Variants in HPCAL1 observed in about 807,000 individuals in gnomAD.
HPCAL1 encodes the protein hippocalcin-like protein 1.
HPCAL1 carries 8 observed loss-of-function variants against 17.1 expected under a neutral mutation model. The observed-to-expected ratio is 0.47, with a 90% CI of 0.27 to 0.84. The LOEUF (loss-of-function observed/expected upper bound fraction) is 0.84, where lower values mean the gene tolerates loss of function less well. Among genes scored for constraint, HPCAL1 ranks in the 40% least tolerant of loss-of-function variants. The pLI is 0.13. For synonymous variants in HPCAL1, 112 were observed against 111.4 expected, an observed-to-expected ratio of 1.01 and a Z score of -0.03; for missense variants, 165 against 271.1, an observed-to-expected ratio of 0.61 and a Z score of 2.75.
rs982634833 is a variant in HPCAL1, at chr2:10,330,787, G to A, written c.-111+27610G>A. ...TTTGTGGGGGACACACTCAGTCCAC[G>A]TTAACTCACTTCCTGCCCACGGCAG... On this transcript the variant is annotated intron_variant, in intron 1 of 4. Coordinates refer to ENST00000307845, the MANE Select transcript of HPCAL1 (RefSeq NM_002149.4). The surrounding 1 kb of genome is among the most constrained non-coding windows in gnomAD (Gnocchi z 4.2). Among the ~76,000 whole-genome samples the A allele has an allele frequency of 1.3e-5, 2 of 152,220 alleles. No individual in the cohort carries two copies. The highest frequency in any genetic ancestry group is 2.1e-4 in the South Asian group (1 of 4,834).
intron 1 of HPCAL1, among the ~76,000 whole-genome samples, chr2:10,393,208 C>T (rs1668816109): frequency 6.6e-6 from 1 of 152,250 alleles, no homozygotes; most frequent in Admixed American, 6.5e-5. Flanking sequence ...CTACTTGATT[C>T]TGTCTCGAGC....
chr2:10,352,839 A>G (rs1665916246), intron 1 of HPCAL1, among the ~76,000 whole-genome samples: 2 of 152,240 alleles, frequency 1.3e-5, no homozygotes, highest in Non-Finnish European at 2.9e-5. Context: ...CTCTGTAGCC[A>G]AATGAAAAGA....
chr2:10,335,182 T>G (rs4669572), intron 1 of HPCAL1, among the ~76,000 whole-genome samples: 1 of 152,208 alleles, frequency 6.6e-6, no homozygotes, highest in South Asian at 2.1e-4. Context: ...TGGACTTAAC[T>G]GACTTGATTC....
rs1403362145 is a variant in HPCAL1, at chr2:10,362,822, G to A, written c.-110-34013G>A. On this transcript the variant is annotated intron_variant, in intron 1 of 4. Coordinates refer to ENST00000307845, the MANE Select transcript of HPCAL1 (RefSeq NM_002149.4). The surrounding 1 kb of genome is among the most constrained non-coding windows in gnomAD (Gnocchi z 5.0). ...GAGTCATGAGATTGGGTTGAATGGC[G>A]GCTTTAGCACAGCTGTGGCCTGTGT... 1.3e-5 allele frequency among the ~76,000 whole-genome samples: 2 copies of A among 152,220 alleles called. No homozygotes were observed. The highest frequency in any genetic ancestry group is 2.9e-5 in the Non-Finnish European group (2 of 68,046).
At chr2:10,329,165 A>G (rs1000734812) in intron 1 of HPCAL1, among the ~76,000 whole-genome samples, 1 of 152,056 alleles carries the variant, frequency 6.6e-6, no homozygotes, top group Non-Finnish European at 1.5e-5. Flanking sequence ...TTAGAGACTC[A>G]TTGCTCCAAG....
intron 1 of HPCAL1, among the ~76,000 whole-genome samples, chr2:10,380,060 G>T (rs1667843631): frequency 6.6e-6 from 1 of 150,820 alleles, no homozygotes; most frequent in African/African-American, 2.5e-5. Flanking sequence ...CTTCAGAAAA[G>T]CTCTGCACAG....
intron 1 of HPCAL1, among the ~76,000 whole-genome samples, chr2:10,314,823 T>A (rs75652861): frequency 6.6e-6 from 1 of 152,240 alleles, no homozygotes; most frequent in Admixed American, 6.5e-5. Context: ...TTGTTTCAAA[T>A]TGTTTTTTTT....
intron 1 of HPCAL1, among the ~76,000 whole-genome samples, chr2:10,355,562 A>C (rs911045218): frequency 7.3e-5 from 11 of 151,664 alleles, no homozygotes; most frequent in Non-Finnish European, 1.6e-4. Flanking sequence ...AAAATGTAAA[A>C]AGTTGTTCAG....
rs560198601 is a variant in HPCAL1 at position 10,348,533 on chromosome 2, G to T, written c.-111+45356G>T. ...AATCCCAGTGCTTTGGGAGACCAAG[G>T]TGGGGGGATCGCTTGAGCCCAGGAG... is the stretch of plus-strand genomic sequence containing the variant. On this transcript the variant is annotated intron_variant, in intron 1 of 4. Coordinates refer to ENST00000307845, the MANE Select transcript of HPCAL1 (RefSeq NM_002149.4). Among the ~76,000 whole-genome samples, 4 of 152,168 alleles carry T rather than the reference G, an allele frequency of 2.6e-5. No individual in the cohort carries two copies. The South Asian group carries it at 8.3e-4, about 32-fold the overall frequency.
At chr2:10,366,427 G>T (rs1476208816) in intron 1 of HPCAL1, among the ~76,000 whole-genome samples, 1 of 152,218 alleles carries the variant, frequency 6.6e-6, no homozygotes, top group South Asian at 2.1e-4. Flanking sequence ...GTAGAGACGG[G>T]GTTTCACCAT....
Position 10,341,829 on chromosome 2 carries a change from T to G in HPCAL1, c.-111+38652T>G, listed in dbSNP as rs372208758. ...GAAAAATTCAAATGTTTTGAAAAGA[T>G]CTACAAGTTTGGGGTTGAAGAAGTC... On this transcript the variant is annotated intron_variant, in intron 1 of 4. Transcript: ENST00000307845. 3.7e-4 allele frequency among the ~76,000 whole-genome samples: 56 copies of G among 152,218 alleles called. 1 individual carries two copies. Among genetic ancestry groups the G allele is most frequent in the African/African-American group, 1.3e-3 (55 of 41,542 alleles).
intron 1 of HPCAL1, among the ~76,000 whole-genome samples, chr2:10,308,961 G>GAC (rs1662790780): frequency 6.6e-6 from 1 of 152,156 alleles, no homozygotes; most frequent in African/African-American, 2.4e-5. Flanking sequence ...CCAGCTACTA[G>GAC]GGGGTGCTGA....
At chr2:10,311,884 CCAT>C (rs962105244) in intron 1 of HPCAL1, among the ~76,000 whole-genome samples, 1 of 149,734 alleles carries the variant, frequency 6.7e-6, no homozygotes, top group Non-Finnish European at 1.5e-5. Flanking sequence ...ATCATCATTA[CCAT>C]CATCATTGCT....
Position 10,344,885 on chromosome 2 carries a change from CTA to C in HPCAL1, c.-111+41710_-111+41711del, listed in dbSNP as rs1468240826. Among the ~76,000 whole-genome samples the C allele has an allele frequency of 6.6e-6, 1 of 151,578 alleles. No homozygotes were observed. Among genetic ancestry groups the C allele is most frequent in the Non-Finnish European group, 1.5e-5 (1 of 67,824 alleles). ...CCTTTCAGTCTCTTTCTGCCTCTCT[CTA>C]TGTGTCCGTTTCTCTTTCTCTCTGT... On this transcript the variant is annotated intron_variant, in intron 1 of 4. Coordinates refer to ENST00000307845, the MANE Select transcript of HPCAL1 (RefSeq NM_002149.4). This position sits in a 1 kb window ranked among gnomAD's most constrained non-coding sequence, Gnocchi z 4.9.
At chr2:10,380,693 G>T (rs1166290025) in intron 1 of HPCAL1, among the ~76,000 whole-genome samples, 1 of 151,886 alleles carries the variant, frequency 6.6e-6, no homozygotes, top group Non-Finnish European at 1.5e-5. Flanking sequence ...CACTCTTCAA[G>T]TCTCTGTTTA....
In HPCAL1 at chr2:10,342,906, G is replaced by A. The variant is rs1017551161; in HGVS notation, c.-111+39729G>A. On this transcript the variant is annotated intron_variant, in intron 1 of 4. Transcript: ENST00000307845. This position sits in a 1 kb window ranked among gnomAD's most constrained non-coding sequence, Gnocchi z 4.1. ...GTACCTCTCCCCGCTGCCTTCCCCC[G>A]GCCCCTTTTTGGACAGGATGTTGCT... 6.6e-6 allele frequency among the ~76,000 whole-genome samples: 1 copy of A among 152,154 alleles called. No homozygotes were observed. The highest frequency in any genetic ancestry group is 2.4e-5 in the African/African-American group (1 of 41,432).
Position 10,419,611 on chromosome 2 carries a change from G to T in HPCAL1, c.-24-123G>T. 1 of 866,512 alleles carries T rather than the reference G, an allele frequency of 1.2e-6. No individual in the cohort carries two copies. The highest frequency in any genetic ancestry group is 1.7e-6 in the Non-Finnish European group (1 of 581,578). The allele number at this position is 866,512 out of a possible 1,614,324, so 53.7% of individuals were successfully genotyped here. On this transcript the variant is annotated intron_variant, in intron 2 of 4. Transcript: ENST00000307845. The surrounding 1 kb of genome is among the most constrained non-coding windows in gnomAD (Gnocchi z 5.0). Reference sequence around the variant, plus strand: ...GATAGCGGCATGCCTTCCGATGGGGGACCCGGGAGTTGCTGAGTCGCAGCG... The same window carrying T: ...GATAGCGGCATGCCTTCCGATGGGGTACCCGGGAGTTGCTGAGTCGCAGCG...
At chr2:10,391,056 G>A (rs1668660021) in intron 1 of HPCAL1, among the ~76,000 whole-genome samples, 1 of 152,210 alleles carries the variant, frequency 6.6e-6, no homozygotes, top group African/African-American at 2.4e-5. Flanking sequence ...TAATCTGCAT[G>A]CACCCCACTG....
At chr2:10,350,319 C>CTT (rs34432791) in intron 1 of HPCAL1, among the ~76,000 whole-genome samples, 9 of 130,244 alleles carry the variant, frequency 6.9e-5, no homozygotes, top group African/African-American at 8.7e-5. Flanking sequence ...AATCTATGTC[C>CTT]TTTTTTTTTT....
Sources: allele counts gnomAD v4.1 joint callset (sites outside exome capture counted in the v4.1 genomes callset), GRCh38; gene constraint gnomAD v4.1.1; non-coding constraint Gnocchi (gnomAD v3.1); transcripts MANE v1.5; gene names NCBI Gene and HGNC (gene_info 2026-07-23, HGNC 2026-07-21).